The following SPATA17 variants were observed in gnomAD, a reference collection of about 807,000 sequenced individuals.
SPATA17 encodes the protein spermatogenesis-associated protein 17.
Under a neutral mutation model 62.2 loss-of-function variants are expected in SPATA17, and 53 were observed. That is an observed-to-expected ratio of 0.85 (90% CI 0.68 to 1.07). The LOEUF is 1.07. Among genes scored for constraint, SPATA17 ranks in the 50% least tolerant of loss-of-function variants. The probability of loss-of-function intolerance (pLI) is 0.00; values close to 1 mark genes in which losing one functional copy is unlikely to be tolerated. For synonymous variants in SPATA17, 146 were observed against 146.8 expected (o/e 0.99, Z 0.04); for missense variants, 466 against 425.5 (o/e 1.10, Z -0.84).
rs548620959 is a variant in SPATA17 at position 217,657,072 on chromosome 1, A to T, written c.240+5894A>T. 4.6e-4 allele frequency among the ~76,000 whole-genome samples: 70 copies of T among 152,144 alleles called. No individual in the cohort carries two copies. In the South Asian group the frequency reaches 8.7e-3, roughly 19 times the overall value. On this transcript the variant is annotated intron_variant, in intron 3 of 10. Transcript: ENST00000366933. ...CAAAAGATGTCCATTGTCTAAGATG[A>T]TGTGTTTGAACCTTCCAAATTAATC...
intron 5 of SPATA17, among the ~76,000 whole-genome samples, chr1:217,698,856 C>G (rs61393568): frequency 6.6e-6 from 1 of 152,186 alleles, no homozygotes; most frequent in African/African-American, 2.4e-5. Context: ...ACCACATTCA[C>G]TTCTATTCTA....
intron 9 of SPATA17, among the ~76,000 whole-genome samples, chr1:217,831,706 A>G (rs1675146491): frequency 6.6e-6 from 1 of 152,116 alleles, no homozygotes; most frequent in African/African-American, 2.4e-5. Context: ...GAATCTAATG[A>G]TTTGCCATTA....
chr1:217,764,486 C>G (rs528316341), intron 6 of SPATA17, among the ~76,000 whole-genome samples: 5 of 152,182 alleles, frequency 3.3e-5, no homozygotes, highest in Non-Finnish European at 7.4e-5. Context: ...AACATCTTAG[C>G]TGCCTCCAAG....
chr1:217,763,530 G>A (rs184013803), intron 6 of SPATA17, among the ~76,000 whole-genome samples: 116 of 152,256 alleles, frequency 7.6e-4, no homozygotes, highest in African/African-American at 2.6e-3. Flanking sequence ...GAAAAGAATG[G>A]GCCTTGTTAA....
chr1:217,765,741 T>G (rs927030188), intron 6 of SPATA17, among the ~76,000 whole-genome samples: 4 of 152,114 alleles, frequency 2.6e-5, no homozygotes, highest in Non-Finnish European at 5.9e-5. Flanking sequence ...CTCTATTCAT[T>G]TCTGATAGAG....
At chr1:217,774,734 A>G (rs1340215332) in intron 7 of SPATA17, among the ~76,000 whole-genome samples, 197 bp downstream of exon 7, 1 of 151,986 alleles carries the variant, frequency 6.6e-6, no homozygotes, top group African/African-American at 2.4e-5. Flanking sequence ...CCACTAAACA[A>G]CTCTCCATTT....
chr1:217,688,463 T>C (rs949205569), intron 5 of SPATA17, among the ~76,000 whole-genome samples: 3 of 152,220 alleles, frequency 2.0e-5, no homozygotes, highest in African/African-American at 7.2e-5. Flanking sequence ...GAGAGATCTC[T>C]TTTAAGTCAT....
chr1:217,819,243 G>A (rs1674802023), intron 9 of SPATA17, among the ~76,000 whole-genome samples: 1 of 151,278 alleles, frequency 6.6e-6, no homozygotes, highest in Non-Finnish European at 1.5e-5. Context: ...TTATTTTATG[G>A]ACAGAGTTCC....
chr1:217,850,091 T>C (rs751839387), intron 9 of SPATA17, among the ~76,000 whole-genome samples: 36 of 152,118 alleles, frequency 2.4e-4, no homozygotes, highest in Non-Finnish European at 4.6e-4. Context: ...TGCGGGGAGG[T>C]GGGATGCATT....
chr1:217,754,982 A>G (rs1368234582), intron 6 of SPATA17, among the ~76,000 whole-genome samples: 1 of 152,154 alleles, frequency 6.6e-6, no homozygotes, highest in African/African-American at 2.4e-5. Context: ...GGTCACTGTT[A>G]AGATCATAAG....
intron 6 of SPATA17, among the ~76,000 whole-genome samples, chr1:217,753,493 A>G (rs939316037): frequency 4.6e-5 from 7 of 152,118 alleles, no homozygotes; most frequent in African/African-American, 1.7e-4. Context: ...AAATTTGGAC[A>G]TCAAACTCAG....
chr1:217,631,452 T>A lies in SPATA17; in HGVS notation c.68+6T>A. The A allele has an allele frequency of 6.2e-7, 1 of 1,614,072 alleles. No homozygotes were observed. The highest frequency in any genetic ancestry group is 8.5e-7 in the Non-Finnish European group (1 of 1,179,976). The stretch of plus-strand genomic sequence containing the variant: ...CAGTACTACTTTAGGAACAGGTAAG[T>A]CAGGAAGAGAAGGATCGCGTAAAGG... On this transcript the variant is annotated splice_donor_region_variant and intron_variant, in intron 1 of 10. Transcript: ENST00000366933.
At chr1:217,845,950 G>A (rs1567448) in intron 9 of SPATA17, among the ~76,000 whole-genome samples, 12,545 of 152,076 alleles carry the variant, frequency 0.082, 613 homozygotes, top group African/African-American at 0.13. Flanking sequence ...TGTTTTAGGG[G>A]TCTAAACATT....
intron 8 of SPATA17, among the ~76,000 whole-genome samples, chr1:217,798,252 C>T (rs1005424531): frequency 1.3e-5 from 2 of 152,212 alleles, no homozygotes; most frequent in Non-Finnish European, 2.9e-5. Flanking sequence ...ACTACTTGAA[C>T]GTATGATGTT....
intron 6 of SPATA17, among the ~76,000 whole-genome samples, chr1:217,751,505 T>C (rs1672905667): frequency 6.6e-6 from 1 of 152,230 alleles, no homozygotes; most frequent in Admixed American, 6.5e-5. Context: ...TGGCAGTCTC[T>C]GTGCAGAAAG....
At chr1:217,715,846 A>C (rs1467517327) in intron 5 of SPATA17, among the ~76,000 whole-genome samples, 2 of 152,196 alleles carry the variant, frequency 1.3e-5, no homozygotes, top group African/African-American at 4.8e-5. Flanking sequence ...TCCAGAACTA[A>C]CAGCTAACTA....
At chr1:217,814,577 A>G (rs201118723) in intron 9 of SPATA17, among the ~76,000 whole-genome samples, 26 of 152,168 alleles carry the variant, frequency 1.7e-4, no homozygotes, top group Non-Finnish European at 3.7e-4. Context: ...ACCAGGTGCA[A>G]TGGCTCACTC....
At chr1:217,641,347 C>CATCT (rs1357030575) in intron 1 of SPATA17, among the ~76,000 whole-genome samples, 1 of 151,968 alleles carries the variant, frequency 6.6e-6, no homozygotes, top group Non-Finnish European at 1.5e-5. Context: ...TAGCGTCTAG[C>CATCT]ATCTATTCAT....
At chr1:217,697,267 C>T (rs115764543) in intron 5 of SPATA17, among the ~76,000 whole-genome samples, 1 of 152,152 alleles carries the variant, frequency 6.6e-6, no homozygotes, top group Non-Finnish European at 1.5e-5. Context: ...AGGCGTGAGT[C>T]GCCGAGACTG....
Sources: gnomAD v4.1 joint callset for allele counts (sites outside exome capture counted in the v4.1 genomes callset) on GRCh38, gnomAD v4.1.1 for gene constraint, MANE v1.5 for transcripts, NCBI Gene and HGNC (gene_info 2026-07-23, HGNC 2026-07-21) for gene names.